STARD9: variants seen among roughly 807,000 people sequenced by gnomAD.
STARD9 encodes StAR related lipid transfer domain containing 9, also known as stAR-related lipid transfer protein 9.
In STARD9, 346 loss-of-function variants were observed where a neutral mutation model predicts 399.8. The observed-to-expected ratio is 0.87, with a 90% confidence interval of 0.79 to 0.95. STARD9 has a LOEUF of 0.95. Ranked by LOEUF, STARD9 falls within the 40% of genes least tolerant of loss-of-function variation. The pLI, the probability that STARD9 is intolerant of heterozygous loss-of-function variation, is 0.00. For missense variants in STARD9, 5,832 were observed against 5,667.5 expected (o/e 1.03, Z -0.93); for synonymous variants, 2,203 against 2,143.5 (o/e 1.03, Z -0.77).
chr15:42,623,969 T>C (rs2059144232), intron 3 of STARD9, among the ~76,000 whole-genome samples: 1 of 152,246 alleles, frequency 6.6e-6, no homozygotes, highest in Non-Finnish European at 1.5e-5. Flanking sequence ...ACAATGGGAA[T>C]AGATGCATCT....
At chr15:42,577,399 C>T (rs1318442317) in intron 1 of STARD9, among the ~76,000 whole-genome samples, 1 of 152,160 alleles carries the variant, frequency 6.6e-6, no homozygotes, top group African/African-American at 2.4e-5. Flanking sequence ...GTGATCTGCC[C>T]GCCTGGGCCT....
chr15:42,701,992 C>CAAAAAAAAA (rs57444195), intron 26 of STARD9, among the ~76,000 whole-genome samples: 1 of 45,000 alleles, frequency 2.2e-5, no homozygotes, highest in Non-Finnish European at 5.1e-5. Context: ...GACTCTGACT[C>CAAAAAAAAA]AAAAAAAAAA....
In STARD9 at chr15:42,665,270, G is replaced by T; in HGVS notation, c.1194G>T (p.Leu398=). The T allele has an allele frequency of 5.9e-6, 9 of 1,537,038 alleles. No individual in the cohort carries two copies. Among genetic ancestry groups the T allele is most frequent in the Non-Finnish European group, 7.8e-6 (9 of 1,146,760 alleles). Residue 398 remains leucine (L), a synonymous_variant, in exon 14 of 33, where the codon CTG becomes CTT. Coordinates refer to ENST00000290607, the MANE Select transcript of STARD9 (RefSeq NM_020759.3). ...PRVNEDANLK[L]IRELREEIER... is the part of the protein sequence containing the mutation. The stretch of plus-strand genomic sequence containing the variant: ...TGTTTCAGGATGCAAACTTAAAACT[G>T]ATTAGAGAACTCAGAGAAGAGATTG...
At chr15:42,657,704 G>A (rs558161561) in intron 9 of STARD9, among the ~76,000 whole-genome samples, 4 of 152,278 alleles carry the variant, frequency 2.6e-5, no homozygotes, top group East Asian at 1.9e-4. Context: ...AAGTGCACAC[G>A]GAGCATTCTC....
intron 26 of STARD9, among the ~76,000 whole-genome samples, chr15:42,705,071 C>G (rs1408875107): frequency 6.6e-6 from 1 of 152,156 alleles, no homozygotes; most frequent in Non-Finnish European, 1.5e-5. Flanking sequence ...TGGGCACAGG[C>G]CTGGAATTAG....
chr15:42,693,344 C>G lies in STARD9; in HGVS notation c.11766C>G (p.Ala3922=). 5.2e-6 allele frequency: 8 copies of G among 1,537,178 alleles called. No homozygotes were observed. The highest frequency in any genetic ancestry group is 7.0e-6 in the Non-Finnish European group (8 of 1,146,920). Reference sequence around the variant, plus strand: ...CCCCAGGCTCTTTGACCCTCTCAGCCCCTTCAACTCACCCTGTTGAAGGCC... The same window carrying G: ...CCCCAGGCTCTTTGACCCTCTCAGCGCCTTCAACTCACCCTGTTGAAGGCC... ...GLSPGSLTLS[A]PSTHPVEGHQ... The change falls in exon 23 of 33, where the codon GCC becomes GCG. Residue 3922 remains alanine, a synonymous_variant. Coordinates refer to ENST00000290607, the MANE Select transcript of STARD9 (RefSeq NM_020759.3).
intron 7 of STARD9, among the ~76,000 whole-genome samples, chr15:42,647,014 A>G (rs927754047): frequency 6.6e-6 from 1 of 152,224 alleles, no homozygotes; most frequent in Admixed American, 6.5e-5. Context: ...TTTATCAATT[A>G]AGTTCGCTTT....
At chr15:42,695,358 G>GCCCGCCACCAC in intron 25 of STARD9, 35 bp downstream of exon 25, 1 of 1,494,710 alleles carries the variant, frequency 6.7e-7, no homozygotes. Flanking sequence ...TTTCAGGATA[G>GCCCGCCACCAC]GCCTGGACCT....
In STARD9 at chr15:42,684,141, A is replaced by G. The variant is rs1420300016; in HGVS notation, c.2563A>G (p.Thr855Ala). The G allele has an allele frequency of 3.3e-6, 5 of 1,535,476 alleles. No homozygotes were observed. The highest frequency in any genetic ancestry group is 4.4e-6 in the Non-Finnish European group (5 of 1,145,622). ...CATTTTCCTAAGTTGGGATCCCTCTACCACATTGCCACCTAGGCCTGACCC... is the reference window on the plus strand; with the variant it reads ...CATTTTCCTAAGTTGGGATCCCTCTGCCACATTGCCACCTAGGCCTGACCC... ...HSIFLSWDPS[T>A]TLPPRPDPTH... The change falls in exon 23 of 33, where the codon ACC becomes GCC. Residue 855 changes from threonine (T) to alanine (A), a missense_variant. Coordinates refer to ENST00000290607, the MANE Select transcript of STARD9 (RefSeq NM_020759.3).
intron 7 of STARD9, among the ~76,000 whole-genome samples, chr15:42,640,852 A>G (rs2059522001): frequency 6.9e-6 from 1 of 144,696 alleles, no homozygotes; most frequent in Non-Finnish European, 1.5e-5. Flanking sequence ...CTGTGTGTGT[A>G]TGTGTGGGAG....
chr15:42,692,865 G>T lies in STARD9; in HGVS notation c.11287G>T (p.Gly3763Trp). 1 of 1,537,250 alleles carries T rather than the reference G, an allele frequency of 6.5e-7. No homozygotes were observed. The highest frequency in any genetic ancestry group is 8.7e-7 in the Non-Finnish European group (1 of 1,146,924). ...TCAGGGAGCCAATGTGATCCTTGAAGGGCTAGGCTCAGATACCTCGACTGT... is the reference window on the plus strand; with the variant it reads ...TCAGGGAGCCAATGTGATCCTTGAATGGCTAGGCTCAGATACCTCGACTGT... ...EPQGANVILE[G>W]LGSDTSTVSQ... The change falls in exon 23 of 33, where the codon GGG (glycine) becomes TGG (tryptophan). Residue 3763 changes from glycine to tryptophan, a missense_variant. Around this residue, in one of 2 missense-constraint regions of STARD9, gnomAD observed 5,828 missense variants for 5,651.1 expected, o/e 1.03. Transcript: ENST00000290607.
chr15:42,648,936 A>G (rs1169074826), intron 7 of STARD9, among the ~76,000 whole-genome samples: 4 of 151,998 alleles, frequency 2.6e-5, no homozygotes, highest in Non-Finnish European at 5.9e-5. Flanking sequence ...AAGTCTTGCT[A>G]ATGTTGCCCA....
chr15:42,662,893 T>G lies in STARD9; in HGVS notation c.868+2T>G. ...TAGGAATTGTCATCTCCACCTTAGGTATTTTCTGATAGATAATGGGAGTGG... is the reference window on the plus strand; with the variant it reads ...TAGGAATTGTCATCTCCACCTTAGGGATTTTCTGATAGATAATGGGAGTGG... On this transcript the variant is annotated splice_donor_variant, in intron 11 of 32. Transcript: ENST00000290607. LOFTEE classifies it high-confidence loss of function. 1 of 1,525,432 alleles carries G rather than the reference T, an allele frequency of 6.6e-7. No homozygotes were observed. The highest frequency in any genetic ancestry group is 8.8e-7 in the Non-Finnish European group (1 of 1,136,098). The allele number at this position is 1,525,432 out of a possible 1,614,324, so 94.5% of individuals were successfully genotyped here.
chr15:42,586,071 GAC>G (rs966278794), intron 3 of STARD9, among the ~76,000 whole-genome samples: 1 of 152,232 alleles, frequency 6.6e-6, no homozygotes, highest in Non-Finnish European at 1.5e-5. Context: ...GGTGGGAAAA[GAC>G]TGCTTGAACA....
At chr15:42,576,018 G>T (rs947313603) in intron 1 of STARD9, among the ~76,000 whole-genome samples, 4 of 152,232 alleles carry the variant, frequency 2.6e-5, no homozygotes, top group Non-Finnish European at 5.9e-5. Flanking sequence ...CCTGCCAGCA[G>T]GAGTTTCGAG....
At chr15:42,663,554 T>G in intron 12 of STARD9, 64 bp downstream of exon 12, 2 of 1,009,940 alleles carry the variant, frequency 2.0e-6, no homozygotes, top group Non-Finnish European at 2.9e-6. Flanking sequence ...GAAAGGGCCA[T>G]GGCCCCAGTG....
At chr15:42,678,804 C>A (rs999574127) in intron 20 of STARD9, among the ~76,000 whole-genome samples, 3 of 152,162 alleles carry the variant, frequency 2.0e-5, no homozygotes, top group African/African-American at 7.2e-5. Flanking sequence ...TGAAGACTTG[C>A]CCTTTGTAAT....
chr15:42,640,187 G>C (rs1428300183), intron 7 of STARD9, among the ~76,000 whole-genome samples: 1 of 152,114 alleles, frequency 6.6e-6, no homozygotes, highest in Non-Finnish European at 1.5e-5. Context: ...TAAAGTACTA[G>C]GATTATAGAT....
At chr15:42,612,812 C>T (rs550356264) in intron 3 of STARD9, among the ~76,000 whole-genome samples, 61 of 152,094 alleles carry the variant, frequency 4.0e-4, no homozygotes, top group African/African-American at 1.4e-3. Context: ...GGTGAAACCC[C>T]GTCTCTGCTA....
Sources: allele counts gnomAD v4.1 joint callset (sites outside exome capture counted in the v4.1 genomes callset), GRCh38; gene constraint gnomAD v4.1.1; regional missense constraint gnomAD v4.1.1; transcripts MANE v1.5; gene names NCBI Gene and HGNC (gene_info 2026-07-23, HGNC 2026-07-21).